KIF26B: variants seen among roughly 807,000 people sequenced by gnomAD.
The protein encoded by KIF26B is kinesin family member 26B.
A neutral mutation model predicts 151.2 loss-of-function variants in KIF26B; 63 were observed. The ratio of observed to expected loss-of-function variants is 0.42; its 90% CI spans 0.34 to 0.51. The LOEUF (loss-of-function observed/expected upper bound fraction) is 0.51. KIF26B is among the 20% of genes least tolerant of loss of function. KIF26B has a pLI of 0.07. For synonymous variants in KIF26B, 1,357 were observed against 1,262.1 expected (o/e 1.08, Z -1.59); for missense variants, 2,813 against 2,913.6 (o/e 0.97, Z 0.79).
chr1:245,345,799 G>A, intron 2 of KIF26B, among the ~76,000 whole-genome samples: 1 of 152,008 alleles, frequency 6.6e-6, no homozygotes, highest in Non-Finnish European at 1.5e-5. Context: ...CTTCTGCCGC[G>A]ATTGGAAGCT....
intron 3 of KIF26B, among the ~76,000 whole-genome samples, chr1:245,369,757 C>T (rs1673065069): frequency 6.6e-6 from 1 of 152,164 alleles, no homozygotes; most frequent in Admixed American, 6.5e-5. Context: ...AGTAAGCTGC[C>T]GACATCTTTT....
At chr1:245,547,986 C>T (rs1054332079) in intron 5 of KIF26B, among the ~76,000 whole-genome samples, 1 of 152,166 alleles carries the variant, frequency 6.6e-6, no homozygotes, top group Non-Finnish European at 1.5e-5. Context: ...TCCTGCATTT[C>T]CTACTTCTCT....
At chr1:245,579,403 C>A (rs767191007) in intron 5 of KIF26B, among the ~76,000 whole-genome samples, 1 of 152,150 alleles carries the variant, frequency 6.6e-6, no homozygotes. Flanking sequence ...GAGGCTGAGG[C>A]GGGAGGACCA....
intron 10 of KIF26B, among the ~76,000 whole-genome samples, chr1:245,663,359 G>A (rs1179939867): frequency 6.9e-6 from 1 of 145,110 alleles, no homozygotes; most frequent in African/African-American, 2.6e-5. Context: ...TTCAAACATG[G>A]CCAGAAGCAG....
intron 9 of KIF26B, among the ~76,000 whole-genome samples, chr1:245,628,914 A>C (rs1195495261): frequency 1.3e-5 from 2 of 152,240 alleles, no homozygotes; most frequent in Non-Finnish European, 2.9e-5. Context: ...CTCAGGATAC[A>C]AAATCAATGC....
intron 2 of KIF26B, among the ~76,000 whole-genome samples, chr1:245,345,039 C>G (rs1444677416): frequency 1.3e-5 from 2 of 152,128 alleles, no homozygotes; most frequent in Non-Finnish European, 2.9e-5. Context: ...GCACTACATT[C>G]GTATTCTGAG....
rs753926834 is a variant in KIF26B at position 245,702,603 on chromosome 1, G to A, written c.6324G>A (p.Arg2108=). The A allele has an allele frequency of 2.5e-6, 4 of 1,613,638 alleles. No individual in the cohort carries two copies. In the East Asian group the frequency reaches 8.9e-5, roughly 36 times the overall value. ...ITCFDITSRR[R] is the part of the protein sequence containing the mutation. ...GCTTCGACATCACCTCCAGGCGCCG[G>A]TAGATGAGCCAGACCCTTGTCCTAG... The change falls in exon 15 of 15, where the codon CGG becomes CGA. Residue 2108 remains arginine, a synonymous_variant. Transcript: ENST00000407071. The surrounding 1 kb of genome is among the most constrained non-coding windows in gnomAD (Gnocchi z 4.1).
At chr1:245,644,543 GCAGTTGCATTA>G (rs1411851594) in intron 9 of KIF26B, among the ~76,000 whole-genome samples, 4 of 152,138 alleles carry the variant, frequency 2.6e-5, no homozygotes, top group Non-Finnish European at 5.9e-5. Context: ...GTTTTAGAAT[GCAGTTGCATTA>G]CTTGGAAACA....
At chr1:245,303,434 G>T (rs374175267) in intron 2 of KIF26B, among the ~76,000 whole-genome samples, 7 of 150,620 alleles carry the variant, frequency 4.6e-5, no homozygotes, top group East Asian at 1.9e-4. Context: ...TCCTGACCTC[G>T]TGATCCGCCC....
intron 2 of KIF26B, among the ~76,000 whole-genome samples, chr1:245,178,819 A>C (rs985238871): frequency 1.3e-5 from 2 of 152,218 alleles, no homozygotes; most frequent in Non-Finnish European, 2.9e-5. Flanking sequence ...GGCTTGCCAC[A>C]TGCAGTGTCT....
chr1:245,522,104 C>T (rs1165864575), intron 4 of KIF26B, among the ~76,000 whole-genome samples: 2 of 152,138 alleles, frequency 1.3e-5, no homozygotes, highest in African/African-American at 2.4e-5. Flanking sequence ...CTCCTGACCT[C>T]ATGATCTGCC....
At chr1:245,461,779 T>G (rs1445624344) in intron 4 of KIF26B, among the ~76,000 whole-genome samples, 1 of 152,158 alleles carries the variant, frequency 6.6e-6, no homozygotes, top group Admixed American at 6.5e-5. Flanking sequence ...GTATTTTAAT[T>G]GCCGACAGAA....
intron 12 of KIF26B, among the ~76,000 whole-genome samples, chr1:245,689,857 C>T (rs114708285): frequency 0.015 from 2,214 of 152,288 alleles, 49 homozygotes; most frequent in African/African-American, 0.051. Flanking sequence ...CACACCCAGT[C>T]AGTCTTTGTC....
At chr1:245,214,404 C>T (rs1052138298) in intron 2 of KIF26B, among the ~76,000 whole-genome samples, 1 of 151,594 alleles carries the variant, frequency 6.6e-6, no homozygotes, top group Non-Finnish European at 1.5e-5. Flanking sequence ...TCATCATAAA[C>T]TCTGTCAGAA....
At chr1:245,183,125 T>C (rs1041582924) in intron 2 of KIF26B, among the ~76,000 whole-genome samples, 1 of 152,252 alleles carries the variant, frequency 6.6e-6, no homozygotes, top group East Asian at 1.9e-4. Flanking sequence ...AAAACATTTA[T>C]TCAACCTTTT....
intron 4 of KIF26B, among the ~76,000 whole-genome samples, chr1:245,454,082 G>A (rs970134309): frequency 2.0e-5 from 3 of 152,158 alleles, no homozygotes; most frequent in African/African-American, 7.2e-5. Flanking sequence ...GAAGTAGGGT[G>A]ATTCAGCCCA....
intron 2 of KIF26B, among the ~76,000 whole-genome samples, chr1:245,202,759 C>CA (rs56170851): frequency 0.051 from 2,324 of 45,144 alleles, 288 homozygotes; most frequent in African/African-American, 0.19. Context: ...GACTCCATCT[C>CA]AAAAAAAAAA....
At position 245,490,473 on chromosome 1, in the gene KIF26B, A is replaced by ACCTG. The variant is rs1558186506; in HGVS notation, c.1167-50294_1167-50293insCCTG. ...ACTACAGGCGCACACCACCACGTCC[A>ACCTG]GCTAATTTTTTGTATTTTTACTAGA... is the stretch of plus-strand genomic sequence containing the variant. On this transcript the variant is annotated intron_variant, in intron 4 of 14. Transcript: ENST00000407071. Among the ~76,000 whole-genome samples the ACCTG allele has an allele frequency of 1.1e-4, 16 of 152,000 alleles. 1 individual carries two copies. Among genetic ancestry groups the ACCTG allele is most frequent in the African/African-American group, 3.9e-4 (16 of 41,456 alleles).
At chr1:245,658,723 C>A (rs1400123305) in intron 10 of KIF26B, among the ~76,000 whole-genome samples, 1 of 152,052 alleles carries the variant, frequency 6.6e-6, no homozygotes, top group Non-Finnish European at 1.5e-5. Flanking sequence ...ACTAAAAATT[C>A]TTGGATTCCT....
Sources: gnomAD v4.1 joint callset for allele counts (sites outside exome capture counted in the v4.1 genomes callset) on GRCh38, gnomAD v4.1.1 for gene constraint, Gnocchi (gnomAD v3.1) non-coding constraint, MANE v1.5 for transcripts, NCBI Gene and HGNC (gene_info 2026-07-23, HGNC 2026-07-21) for gene names.